The following DIS3L2 variants were observed in gnomAD, a reference collection of about 807,000 sequenced individuals.
The protein encoded by DIS3L2 is DIS3-like exonuclease 2.
Under a neutral mutation model 97.5 loss-of-function variants are expected in DIS3L2, and 34 were observed. The observed-to-expected ratio is 0.35, with a 90% CI of 0.27 to 0.46. The LOEUF is 0.46. DIS3L2 is among the 20% of genes least tolerant of loss of function. The pLI is 1.00. For missense variants in DIS3L2, 1,038 were observed against 1,146.0 expected (o/e 0.91, Z 1.36); for synonymous variants, 435 against 445.2 (o/e 0.98, Z 0.29).
chr2:232,188,672 A>C lies in DIS3L2; in HGVS notation c.1125-21654A>C, dbSNP rs1306955356. ...ACTTACAGGATGTAGGACTAGAGAA[A>C]GAGTTCTTAGACTTTGACATAGTAC... On this transcript the variant is annotated intron_variant, in intron 9 of 20. Coordinates refer to ENST00000325385, the MANE Select transcript of DIS3L2 (RefSeq NM_152383.5). 2.6e-5 allele frequency among the ~76,000 whole-genome samples: 4 copies of C among 152,248 alleles called. No homozygotes were observed. In the East Asian group the frequency reaches 7.7e-4, roughly 29 times the overall value.
chr2:232,148,073 C>T (rs1298017230), intron 8 of DIS3L2, among the ~76,000 whole-genome samples: 2 of 134,344 alleles, frequency 1.5e-5, no homozygotes, highest in African/African-American at 2.7e-5. Flanking sequence ...TTTCTTTTGA[C>T]GGAGTCTCAC....
At chr2:232,208,240 G>A (rs1005563731) in intron 9 of DIS3L2, among the ~76,000 whole-genome samples, 23 of 152,052 alleles carry the variant, frequency 1.5e-4, no homozygotes, top group African/African-American at 5.5e-4. Flanking sequence ...TCTTATCTCT[G>A]TTTTCATTCC....
chr2:232,054,369 T>C (rs936488002), intron 5 of DIS3L2, among the ~76,000 whole-genome samples: 1 of 152,226 alleles, frequency 6.6e-6, no homozygotes, highest in Admixed American at 6.5e-5. Context: ...CAAAACCTAT[T>C]CTGTCTTTAT....
intron 19 of DIS3L2, chr2:232,334,984 A>T (rs1420395856): frequency 2.0e-6 from 1 of 505,220 alleles, no homozygotes; most frequent in East Asian, 3.5e-5. Flanking sequence ...TGGCCAGTAC[A>T]GCTCGGCAGG....
At chr2:232,341,825 C>A (rs1400823655), downstream of DIS3L2, among the ~76,000 whole-genome samples, 1 of 152,208 alleles carries the variant, frequency 6.6e-6, no homozygotes, top group Non-Finnish European at 1.5e-5. Context: ...TCTCTGGAAA[C>A]CTACCTGCCC....
intron 5 of DIS3L2, among the ~76,000 whole-genome samples, chr2:232,053,793 C>A (rs992187245): frequency 6.6e-6 from 1 of 152,210 alleles, no homozygotes; most frequent in African/African-American, 2.4e-5. Flanking sequence ...CCTACCAGCA[C>A]CTCTCTGTGT....
intron 6 of DIS3L2, among the ~76,000 whole-genome samples, chr2:232,114,721 A>G (rs1202459195): frequency 6.6e-6 from 1 of 152,212 alleles, no homozygotes; most frequent in Non-Finnish European, 1.5e-5. Flanking sequence ...AAACTCAGGC[A>G]TAGGGGAGGG....
chr2:232,209,986 G>A (rs982872472), intron 9 of DIS3L2, among the ~76,000 whole-genome samples: 2 of 152,138 alleles, frequency 1.3e-5, no homozygotes, highest in Admixed American at 6.5e-5. Flanking sequence ...AGTGTAAATT[G>A]AAGAGTAATT....
intron 6 of DIS3L2, among the ~76,000 whole-genome samples, chr2:232,127,847 C>G (rs552164127): frequency 6.6e-6 from 1 of 152,292 alleles, no homozygotes; most frequent in African/African-American, 2.4e-5. Flanking sequence ...CCTGTATACA[C>G]TGTCCTTATG....
intron 8 of DIS3L2, among the ~76,000 whole-genome samples, chr2:232,143,629 G>T (rs1690133478): frequency 6.6e-6 from 1 of 151,892 alleles, no homozygotes; most frequent in Admixed American, 6.6e-5. Flanking sequence ...TAAGGTTTTG[G>T]TATACATTTG....
intron 5 of DIS3L2, among the ~76,000 whole-genome samples, chr2:232,062,812 C>T (rs1003343706): frequency 6.6e-6 from 1 of 152,010 alleles, no homozygotes; most frequent in African/African-American, 2.4e-5. Context: ...GCCTGCCTTA[C>T]CTATCTTACC....
rs573609917 is a variant in DIS3L2, at chr2:232,325,223, C to T, written c.1740-4590C>T. On this transcript the variant is annotated intron_variant, in intron 14 of 20. Transcript: ENST00000325385. This position sits in a 1 kb window ranked among gnomAD's most constrained non-coding sequence, Gnocchi z 4.6. ...CCTGAGCCAGCAGGAATGCGGCACCCAGTGGCTGGCTCTGCAGTCTTGATG... is the reference window on the plus strand; with the variant it reads ...CCTGAGCCAGCAGGAATGCGGCACCTAGTGGCTGGCTCTGCAGTCTTGATG... Among the ~76,000 whole-genome samples, 1 of 152,348 alleles carries T rather than the reference C, an allele frequency of 6.6e-6. No individual in the cohort carries two copies. The highest frequency in any genetic ancestry group is 1.9e-4 in the East Asian group (1 of 5,182).
intron 12 of DIS3L2, among the ~76,000 whole-genome samples, chr2:232,262,708 A>G (rs1351621712): frequency 1.3e-5 from 2 of 152,272 alleles, no homozygotes; most frequent in East Asian, 3.9e-4. Flanking sequence ...CCCAAATGGA[A>G]AAGTCGGAAT....
intron 6 of DIS3L2, among the ~76,000 whole-genome samples, chr2:232,126,930 TG>T (rs945217317): frequency 6.6e-6 from 1 of 152,168 alleles, no homozygotes; most frequent in African/African-American, 2.4e-5. Context: ...TTGTCTGGAG[TG>T]GCCTTCAACT....
intron 9 of DIS3L2, among the ~76,000 whole-genome samples, chr2:232,188,642 A>G (rs2106193081): frequency 6.6e-6 from 1 of 152,362 alleles, no homozygotes; most frequent in South Asian, 2.1e-4. Context: ...TGAGCATAGA[A>G]GAGTACTTAC....
chr2:232,210,544 C>T (rs1692161000), intron 10 of DIS3L2, 139 bp downstream of exon 10: 1 of 710,670 alleles, frequency 1.4e-6, no homozygotes, highest in South Asian at 1.5e-5. Context: ...CCATAGGCCT[C>T]TGAGCCTTTA....
intron 14 of DIS3L2, among the ~76,000 whole-genome samples, chr2:232,306,437 TA>T (rs1694987344): frequency 6.6e-6 from 1 of 152,196 alleles, no homozygotes; most frequent in Non-Finnish European, 1.5e-5. Flanking sequence ...GTTGCCACGG[TA>T]AAAATTACAG....
At chr2:232,270,219 A>G (rs1169124575) in intron 13 of DIS3L2, among the ~76,000 whole-genome samples, 3 of 152,200 alleles carry the variant, frequency 2.0e-5, no homozygotes, top group East Asian at 3.8e-4. Flanking sequence ...CTTTATCATA[A>G]AAGTAATATG....
At chr2:232,147,391 A>G (rs3845832) in intron 8 of DIS3L2, among the ~76,000 whole-genome samples, 21,508 of 152,156 alleles carry the variant, frequency 0.14, 3,787 homozygotes, top group African/African-American at 0.41. Flanking sequence ...CTTAACCAAT[A>G]TTGATACATT....
Sources: allele counts gnomAD v4.1 joint callset (sites outside exome capture counted in the v4.1 genomes callset), GRCh38; gene constraint gnomAD v4.1.1; non-coding constraint Gnocchi (gnomAD v3.1); transcripts MANE v1.5; gene names NCBI Gene and HGNC (gene_info 2026-07-23, HGNC 2026-07-21).